The following OSBPL10 variants were observed in gnomAD, a reference collection of about 807,000 sequenced individuals.
OSBPL10 encodes oxysterol-binding protein-related protein 10.
In OSBPL10, 49 loss-of-function variants were observed where a neutral mutation model predicts 81.7. The ratio of observed to expected loss-of-function variants is 0.60; its 90% CI spans 0.48 to 0.76. The LOEUF is 0.76. OSBPL10 is among the 30% of genes least tolerant of loss of function. The pLI, the probability that OSBPL10 is intolerant of heterozygous loss-of-function variation, is 0.00. For synonymous variants in OSBPL10, 419 were observed against 383.6 expected, an observed-to-expected ratio of 1.09 and a Z score of -1.08; for missense variants, 923 against 987.8, an observed-to-expected ratio of 0.93 and a Z score of 0.88.
chr3:31,853,384 C>T (rs970090770), intron 3 of OSBPL10, among the ~76,000 whole-genome samples: 5 of 152,080 alleles, frequency 3.3e-5, no homozygotes, highest in African/African-American at 1.2e-4. Context: ...CTGTGAAGGG[C>T]TGGAAAAGCA....
intron 3 of OSBPL10, among the ~76,000 whole-genome samples, chr3:31,875,376 T>TA (rs1217823439): frequency 6.6e-6 from 1 of 152,014 alleles, no homozygotes; most frequent in Admixed American, 6.6e-5. Context: ...AAGTACCAAT[T>TA]AAGTGTTGAG....
chr3:31,783,146 T>TATATATATATATATAC (rs1485968747), intron 4 of OSBPL10, among the ~76,000 whole-genome samples: 37 of 112,936 alleles, frequency 3.3e-4, no homozygotes, highest in African/African-American at 1.4e-3. Flanking sequence ...TATATATATA[T>TATATATATATATATAC]ACACACACAC....
chr3:31,876,304 G>A (rs1701468259), intron 3 of OSBPL10, 129 bp downstream of exon 3: 1 of 724,012 alleles, frequency 1.4e-6, no homozygotes, highest in Non-Finnish European at 2.4e-6. Flanking sequence ...AGCAGGACAA[G>A]TAGGAATTCC....
At chr3:31,881,052 T>C (rs1490755612) in intron 1 of OSBPL10, among the ~76,000 whole-genome samples, 1 of 152,226 alleles carries the variant, frequency 6.6e-6, no homozygotes, top group Non-Finnish European at 1.5e-5. Context: ...TTCCTACCCC[T>C]TCTTGCCGTG....
At chr3:31,803,554 C>A (rs758549418) in intron 4 of OSBPL10, among the ~76,000 whole-genome samples, 1 of 152,192 alleles carries the variant, frequency 6.6e-6, no homozygotes, top group Non-Finnish European at 1.5e-5. Flanking sequence ...ATACCCTTTG[C>A]GCAACTTCCC....
At chr3:31,953,692 CACCACACCTG>C (rs1175097475) in intron 1 of OSBPL10, among the ~76,000 whole-genome samples, 1 of 152,198 alleles carries the variant, frequency 6.6e-6, no homozygotes, top group African/African-American at 2.4e-5. Flanking sequence ...AAGTGTGAGC[CACCACACCTG>C]GCCACAATGG....
chr3:31,897,073 T>C (rs1696080743), intron 1 of OSBPL10, among the ~76,000 whole-genome samples: 1 of 151,768 alleles, frequency 6.6e-6, no homozygotes, highest in African/African-American at 2.4e-5. Context: ...ATCTACACTA[T>C]AAAAGGAAGA....
intron 4 of OSBPL10, among the ~76,000 whole-genome samples, chr3:31,750,235 C>T (rs1046231133): frequency 1.3e-5 from 2 of 152,182 alleles, no homozygotes; most frequent in African/African-American, 4.8e-5. Context: ...GCACACCTAT[C>T]TTCCTTACCA....
chr3:31,667,505 C>T (rs747396554), intron 10 of OSBPL10, among the ~76,000 whole-genome samples: 5 of 152,226 alleles, frequency 3.3e-5, no homozygotes, highest in Non-Finnish European at 4.4e-5. Flanking sequence ...TTTGTTTCCA[C>T]TTACAAGAAC....
chr3:31,705,409 G>T (rs1696031842), intron 6 of OSBPL10, among the ~76,000 whole-genome samples: 1 of 142,864 alleles, frequency 7.0e-6, no homozygotes, highest in Admixed American at 7.8e-5. Flanking sequence ...CAACTTGGGG[G>T]TACATAGATG....
At chr3:31,721,270 G>A (rs1405200627) in intron 6 of OSBPL10, 1 of 152,240 alleles carries the variant, frequency 6.6e-6, no homozygotes, top group Non-Finnish European at 1.5e-5. Flanking sequence ...TTAGCCCACT[G>A]AGACCTGTGT....
chr3:31,930,516 A>G (rs1647506740), intron 1 of OSBPL10, among the ~76,000 whole-genome samples: 2 of 152,242 alleles, frequency 1.3e-5, no homozygotes, highest in Non-Finnish European at 2.9e-5. Context: ...ATGTACAGGT[A>G]TTGCAATGTA....
At chr3:31,906,471 C>T (rs942617152) in intron 1 of OSBPL10, among the ~76,000 whole-genome samples, 3 of 152,080 alleles carry the variant, frequency 2.0e-5, no homozygotes, top group African/African-American at 7.2e-5. Flanking sequence ...AGAAATGTAT[C>T]CTTTCATTAT....
intron 1 of OSBPL10, among the ~76,000 whole-genome samples, chr3:31,966,124 A>C (rs1698393482): frequency 6.9e-6 from 1 of 145,248 alleles, no homozygotes; most frequent in African/African-American, 2.6e-5. Context: ...GCAAGACCCC[A>C]TCTCTACTAC....
chr3:31,965,763 A>AT (rs1351374566), intron 1 of OSBPL10, among the ~76,000 whole-genome samples: 19 of 59,188 alleles, frequency 3.2e-4, no homozygotes, highest in African/African-American at 1.1e-3. Context: ...ATTATATTAA[A>AT]AGATAATATA....
At chr3:32,067,328 C>T (rs1286709190) in intron 1 of OSBPL10, among the ~76,000 whole-genome samples, 1 of 152,160 alleles carries the variant, frequency 6.6e-6, no homozygotes, top group African/African-American at 2.4e-5. Flanking sequence ...AACCCAGAGC[C>T]ACTGCCAAAG....
At chr3:31,748,639 C>T (rs964138282) in intron 4 of OSBPL10, among the ~76,000 whole-genome samples, 30 of 46,268 alleles carry the variant, frequency 6.5e-4, no homozygotes, top group African/African-American at 1.3e-3. Flanking sequence ...CCTTCGCTCG[C>T]TTGCAAAAAA....
chr3:31,817,718 G>C (rs896215655), intron 4 of OSBPL10, among the ~76,000 whole-genome samples: 1 of 152,278 alleles, frequency 6.6e-6, no homozygotes, highest in African/African-American at 2.4e-5. Context: ...TCTGGACTGC[G>C]GTTTGGGTGA....
intron 7 of OSBPL10, among the ~76,000 whole-genome samples, chr3:31,701,016 C>T (rs1210944406): frequency 6.6e-6 from 1 of 152,086 alleles, no homozygotes; most frequent in Admixed American, 6.5e-5. Flanking sequence ...TGCAGTCTCC[C>T]AGAATATCAG....
Sources: allele counts gnomAD v4.1 joint callset (sites outside exome capture counted in the v4.1 genomes callset), GRCh38; gene constraint gnomAD v4.1.1; transcripts MANE v1.5; gene names NCBI Gene and HGNC (gene_info 2026-07-23, HGNC 2026-07-21).